The following MAP2K6 variants were observed in gnomAD, a reference collection of about 807,000 sequenced individuals.
The protein encoded by MAP2K6 is dual specificity mitogen-activated protein kinase kinase 6.
A neutral mutation model predicts 53.7 loss-of-function variants in MAP2K6; 16 were observed. The ratio of observed to expected loss-of-function variants is 0.30; its 90% CI spans 0.20 to 0.45. The LOEUF (loss-of-function observed/expected upper bound fraction) is 0.45, where lower values mean the gene tolerates loss of function less well. Among genes scored for constraint, MAP2K6 ranks in the 20% least tolerant of loss-of-function variants. MAP2K6 has a pLI of 1.00. For missense variants in MAP2K6, 204 were observed against 411.9 expected, an observed-to-expected ratio of 0.50 and a Z score of 4.37; for synonymous variants, 132 against 143.1, an observed-to-expected ratio of 0.92 and a Z score of 0.55.
chr17:69,505,433 ACT>A (rs1275297655), intron 1 of MAP2K6: 1 of 206,652 alleles, frequency 4.8e-6, no homozygotes, highest in Non-Finnish European at 9.1e-6. Context: ...ACAGAGTGAG[ACT>A]CTGTCTCAAA....
At chr17:69,462,089 T>C (rs1907640801) in intron 1 of MAP2K6, among the ~76,000 whole-genome samples, 1 of 152,304 alleles carries the variant, frequency 6.6e-6, no homozygotes, top group Admixed American at 6.5e-5. Flanking sequence ...TGCGAAAGTA[T>C]GCTGCATTTT....
chr17:69,444,515 T>A (rs779229799), intron 1 of MAP2K6, among the ~76,000 whole-genome samples: 1 of 151,700 alleles, frequency 6.6e-6, no homozygotes, highest in Non-Finnish European at 1.5e-5. Context: ...AAGGAAGGGG[T>A]CTGGTGCAAT....
intron 1 of MAP2K6, among the ~76,000 whole-genome samples, chr17:69,477,734 C>T (rs1469763215): frequency 2.0e-5 from 3 of 152,178 alleles, no homozygotes; most frequent in Non-Finnish European, 2.9e-5. Context: ...TTCAGTTTCT[C>T]GTCTGCACAA....
chr17:69,452,055 G>A (rs779898140), intron 1 of MAP2K6, among the ~76,000 whole-genome samples: 3 of 152,116 alleles, frequency 2.0e-5, no homozygotes, highest in Non-Finnish European at 4.4e-5. Flanking sequence ...CAGTAGGAAT[G>A]CGGCAACAAG....
intron 2 of MAP2K6, among the ~76,000 whole-genome samples, chr17:69,508,478 G>T (rs1164083845): frequency 6.6e-6 from 1 of 152,004 alleles, no homozygotes; most frequent in Non-Finnish European, 1.5e-5. Context: ...CATATCTTTT[G>T]CCCATTGTCT....
In MAP2K6 at chr17:69,455,954, G is replaced by A. The variant is rs969612590; in HGVS notation, c.16+40954G>A. On this transcript the variant is annotated intron_variant, in intron 1 of 11. Transcript: ENST00000590474. Reference sequence around the variant, plus strand: ...TGGCTCACTGCAAACTCCACCTCCCGGGTTCAAGCAATTCTCCTGCCTCAG... The same window carrying A: ...TGGCTCACTGCAAACTCCACCTCCCAGGTTCAAGCAATTCTCCTGCCTCAG... Among the ~76,000 whole-genome samples the A allele has an allele frequency of 2.7e-5, 4 of 150,326 alleles. No homozygotes were observed. The Admixed American group carries it at 2.7e-4, about 10-fold the overall frequency.
chr17:69,431,283 G>A (rs1222408157), intron 1 of MAP2K6, among the ~76,000 whole-genome samples: 1 of 151,916 alleles, frequency 6.6e-6, no homozygotes, highest in Non-Finnish European at 1.5e-5. Context: ...TGTCCAAACA[G>A]TGAAAAATAG....
intron 1 of MAP2K6, among the ~76,000 whole-genome samples, chr17:69,470,974 G>A (rs946761893): frequency 6.6e-6 from 1 of 152,176 alleles, no homozygotes; most frequent in African/African-American, 2.4e-5. Flanking sequence ...AGGGGCAGAG[G>A]CCCTGGTGCT....
At chr17:69,499,488 G>A (rs1230268162) in intron 1 of MAP2K6, among the ~76,000 whole-genome samples, 3 of 152,222 alleles carry the variant, frequency 2.0e-5, no homozygotes, top group Non-Finnish European at 4.4e-5. Context: ...ACGTCACTAA[G>A]TGGGACAGCT....
intron 1 of MAP2K6, among the ~76,000 whole-genome samples, chr17:69,423,562 G>C (rs1906166253): frequency 6.6e-6 from 1 of 152,150 alleles, no homozygotes; most frequent in Non-Finnish European, 1.5e-5. Flanking sequence ...GCTTTAATTG[G>C]AAGTTGTTAA....
At chr17:69,456,028 T>G (rs1907399734) in intron 1 of MAP2K6, among the ~76,000 whole-genome samples, 1 of 151,956 alleles carries the variant, frequency 6.6e-6, no homozygotes, top group Non-Finnish European at 1.5e-5. Flanking sequence ...ACCTGGCTAA[T>G]TTTTGTATTT....
chr17:69,503,506 TGAG>T (rs754641732), intron 1 of MAP2K6, among the ~76,000 whole-genome samples: 1 of 152,156 alleles, frequency 6.6e-6, no homozygotes, highest in Non-Finnish European at 1.5e-5. Context: ...TAAACCCAAA[TGAG>T]GAGAGAATTG....
intron 1 of MAP2K6, among the ~76,000 whole-genome samples, chr17:69,463,714 G>A (rs111774065): frequency 1.6e-4 from 24 of 151,158 alleles, no homozygotes; most frequent in African/African-American, 5.3e-4. Flanking sequence ...ATACATATAT[G>A]TATATTAGTG....
intron 1 of MAP2K6, among the ~76,000 whole-genome samples, chr17:69,466,289 A>G (rs1275111478): frequency 1.4e-5 from 2 of 146,520 alleles, no homozygotes; most frequent in African/African-American, 2.5e-5. Flanking sequence ...GACTGTCTCA[A>G]AAAAAAAAAA....
chr17:69,532,501 C>G (rs1567858939), intron 10 of MAP2K6, among the ~76,000 whole-genome samples: 3 of 152,150 alleles, frequency 2.0e-5, no homozygotes, highest in Admixed American at 6.5e-5. Context: ...TTTGAAAATT[C>G]AAAAGTCTGA....
intron 2 of MAP2K6, among the ~76,000 whole-genome samples, chr17:69,507,840 C>G (rs1265922578): frequency 3.9e-5 from 6 of 151,944 alleles, no homozygotes; most frequent in African/African-American, 1.5e-4. Flanking sequence ...GGTGTAAGCC[C>G]AATAGTGCAA....
Position 69,519,396 on chromosome 17 carries a change from A to T in MAP2K6, c.330A>T (p.Pro110=), listed in dbSNP as rs1447147375. 2 of 1,614,166 alleles carry T rather than the reference A, an allele frequency of 1.2e-6. No individual in the cohort carries two copies. Among genetic ancestry groups the T allele is most frequent in the Admixed American group, 3.3e-5 (2 of 60,034 alleles). Residue 110 remains proline, a synonymous_variant, in exon 5 of 12, where the codon CCA becomes CCT. Coordinates refer to ENST00000590474, the MANE Select transcript of MAP2K6 (RefSeq NM_002758.4). Reference sequence around the variant, plus strand: ...TTTCCATGAGGACGGTGGACTGTCCATTCACTGTCACCTTTTATGGCGCAC... The same window carrying T: ...TTTCCATGAGGACGGTGGACTGTCCTTTCACTGTCACCTTTTATGGCGCAC... ...LDISMRTVDC[P]FTVTFYGALF...
Position 69,513,075 on chromosome 17 carries a change from T to C in MAP2K6, c.84-3780T>C, listed in dbSNP as rs117018882. On this transcript the variant is annotated intron_variant, in intron 2 of 11. Coordinates refer to ENST00000590474, the MANE Select transcript of MAP2K6 (RefSeq NM_002758.4). Reference sequence around the variant, plus strand: ...AGTGACAGAGAACATCCACCCACAGTATAAACTTCCTGCAGAATCGCAATG... The same window carrying C: ...AGTGACAGAGAACATCCACCCACAGCATAAACTTCCTGCAGAATCGCAATG... 8.2e-3 allele frequency among the ~76,000 whole-genome samples: 1,243 copies of C among 152,228 alleles called. 10 individuals carry two copies. The highest frequency in any genetic ancestry group is 0.012 in the Non-Finnish European group (785 of 67,994).
intron 2 of MAP2K6, among the ~76,000 whole-genome samples, chr17:69,506,172 C>T (rs1326608548): frequency 6.6e-6 from 1 of 152,160 alleles, no homozygotes; most frequent in Non-Finnish European, 1.5e-5. Context: ...AGCAAACAGG[C>T]AAATCCCTGT....
Sources: gnomAD v4.1 joint callset for allele counts (sites outside exome capture counted in the v4.1 genomes callset) on GRCh38, gnomAD v4.1.1 for gene constraint, MANE v1.5 for transcripts, NCBI Gene and HGNC (gene_info 2026-07-23, HGNC 2026-07-21) for gene names.